The following UGGT2 variants were observed in gnomAD, a reference collection of about 807,000 sequenced individuals.
UGGT2 encodes UDP-glucose glycoprotein glucosyltransferase 2.
Under a neutral mutation model 192.1 loss-of-function variants are expected in UGGT2, and 180 were observed. That is an observed-to-expected ratio of 0.94 (90% CI 0.83 to 1.06). UGGT2 has a LOEUF of 1.06. Ranked by LOEUF, UGGT2 falls within the 50% of genes least tolerant of loss-of-function variation. UGGT2 has a pLI of 0.00. For synonymous variants in UGGT2, 580 were observed against 591.0 expected (o/e 0.98, Z 0.27); for missense variants, 1,849 against 1,795.7 (o/e 1.03, Z -0.54).
chr13:95,885,447 G>C (rs190674494), intron 26 of UGGT2, among the ~76,000 whole-genome samples: 62 of 152,254 alleles, frequency 4.1e-4, no homozygotes, highest in African/African-American at 1.4e-3. Context: ...TCCCAAAAAG[G>C]CATCTCCAAT....
intron 17 of UGGT2, 145 bp from the exon 18 acceptor site, chr13:95,927,481 T>C: frequency 1.2e-6 from 1 of 801,652 alleles, no homozygotes; most frequent in Non-Finnish European, 1.8e-6. Context: ...TTTTTTTTTT[T>C]TTTTTTTATT....
At chr13:96,000,265 G>A (rs764395466) in intron 5 of UGGT2, among the ~76,000 whole-genome samples, 1 of 152,180 alleles carries the variant, frequency 6.6e-6, no homozygotes, top group Non-Finnish European at 1.5e-5. Flanking sequence ...GAGGGAAGGA[G>A]AACTTTAGTA....
intron 22 of UGGT2, among the ~76,000 whole-genome samples, chr13:95,898,401 T>C (rs2048008373): frequency 6.6e-6 from 1 of 152,084 alleles, no homozygotes; most frequent in East Asian, 1.9e-4. Flanking sequence ...ATTCTTAGAA[T>C]AGCAGACATG....
intron 10 of UGGT2, among the ~76,000 whole-genome samples, chr13:95,980,339 G>C (rs995545039): frequency 2.0e-5 from 3 of 152,072 alleles, no homozygotes; most frequent in Non-Finnish European, 4.4e-5. Context: ...CATTCTAACT[G>C]AAGTAACTCA....
chr13:95,998,246 AC>A (rs1378640733), intron 6 of UGGT2, among the ~76,000 whole-genome samples: 1 of 152,210 alleles, frequency 6.6e-6, no homozygotes, highest in African/African-American at 2.4e-5. Flanking sequence ...TACATATGTG[AC>A]CATCTGACTT....
At chr13:96,007,516 T>C (rs1027231525) in intron 5 of UGGT2, among the ~76,000 whole-genome samples, 2 of 152,190 alleles carry the variant, frequency 1.3e-5, no homozygotes, top group African/African-American at 4.8e-5. Flanking sequence ...AAAATTACCC[T>C]GGTTTGCAAA....
At chr13:95,910,576 C>G (rs2048460230) in intron 20 of UGGT2, among the ~76,000 whole-genome samples, 1 of 152,116 alleles carries the variant, frequency 6.6e-6, no homozygotes, top group Non-Finnish European at 1.5e-5. Flanking sequence ...CAGGAGCACC[C>G]AGATTCATAA....
intron 4 of UGGT2, among the ~76,000 whole-genome samples, chr13:96,018,688 A>G (rs368764594): frequency 2.0e-5 from 3 of 152,010 alleles, no homozygotes; most frequent in South Asian, 2.1e-4. Context: ...GACAATGAGA[A>G]TATCACATAG....
intron 12 of UGGT2, among the ~76,000 whole-genome samples, chr13:95,968,007 G>C (rs1325320268): frequency 1.3e-5 from 2 of 151,880 alleles, no homozygotes; most frequent in Non-Finnish European, 2.9e-5. Flanking sequence ...TTTCTTTGAG[G>C]AGTTTCAGTT....
chr13:96,022,349 A>T (rs927135561), intron 4 of UGGT2, among the ~76,000 whole-genome samples: 8 of 152,006 alleles, frequency 5.3e-5, no homozygotes, highest in African/African-American at 1.9e-4. Flanking sequence ...TAGTATAAAA[A>T]CAATATAAAA....
chr13:96,050,061 G>A (rs948519882), intron 1 of UGGT2, among the ~76,000 whole-genome samples: 2 of 152,104 alleles, frequency 1.3e-5, no homozygotes, highest in Non-Finnish European at 2.9e-5. Flanking sequence ...GAGGCATCAC[G>A]CTACCTGACT....
chr13:95,860,768 A>C lies in UGGT2; in HGVS notation c.3740+20T>G. ...GTAAATATTTCTTTTTCAAAATATA[A>C]GGTTAAAAAATATACCTACCTTAAA... is the stretch of plus-strand genomic sequence containing the variant. On this transcript the variant is annotated intron_variant, in intron 32 of 38. Coordinates refer to ENST00000376747, the MANE Select transcript of UGGT2 (RefSeq NM_020121.4). The C allele has an allele frequency of 2.2e-6, 3 of 1,386,590 alleles. No individual in the cohort carries two copies. Among genetic ancestry groups the C allele is most frequent in the Non-Finnish European group, 9.6e-7 (1 of 1,038,786 alleles). 85.9% of individuals were successfully genotyped at this position (1,386,590 alleles called of 1,614,324 possible). A position where few individuals can be genotyped will look rare whatever the true frequency, so the allele number is the denominator to read the frequency against.
At chr13:95,852,852 TGA>T (rs1011869131) in intron 36 of UGGT2, among the ~76,000 whole-genome samples, 3 of 151,930 alleles carry the variant, frequency 2.0e-5, no homozygotes, top group East Asian at 1.9e-4. Flanking sequence ...GTCTTAAAGA[TGA>T]GAGAGAGAGA....
intron 17 of UGGT2, among the ~76,000 whole-genome samples, chr13:95,931,411 G>A (rs986944899): frequency 6.6e-6 from 1 of 151,848 alleles, no homozygotes; most frequent in African/African-American, 2.4e-5. Flanking sequence ...AGGGGGAGCT[G>A]CCCGCCACTC....
intron 38 of UGGT2, among the ~76,000 whole-genome samples, chr13:95,824,911 T>C (rs1195752070): frequency 6.6e-6 from 1 of 152,188 alleles, no homozygotes; most frequent in Non-Finnish European, 1.5e-5. Context: ...CTATTTCTTC[T>C]AATTGTTCTT....
chr13:95,836,971 C>T, intron 37 of UGGT2, 115 bp downstream of exon 37: 1 of 872,642 alleles, frequency 1.1e-6, no homozygotes, highest in South Asian at 1.6e-5. Context: ...ATAGACTGAA[C>T]AGCAGAAGAA....
intron 20 of UGGT2, among the ~76,000 whole-genome samples, chr13:95,911,357 A>C (rs780453965): frequency 3.5e-4 from 53 of 152,202 alleles, no homozygotes; most frequent in Non-Finnish European, 6.8e-4. Flanking sequence ...TAAAGAAGAA[A>C]AGAAAGAAGA....
At position 95,949,423 on chromosome 13, in the gene UGGT2, T is replaced by C; in HGVS notation, c.1367A>G (p.Tyr456Cys). 6.4e-7 allele frequency: 1 copy of C among 1,557,634 alleles called. No homozygotes were observed. Among genetic ancestry groups the C allele is most frequent in the South Asian group, 1.2e-5 (1 of 80,144 alleles). ...WINDLENDDL[Y>C]ITWPTSCQKL... ...CTGGCAACTTGTAGGCCATGTAATA[T>C]ACAAATCATCATTTTCTAAGTCATT... The change falls in exon 13 of 39, where the codon TAT becomes TGT. Residue 456 changes from tyrosine to cysteine, a missense_variant. Transcript: ENST00000376747.
chr13:95,961,130 CA>C (rs1390070364), intron 12 of UGGT2, among the ~76,000 whole-genome samples: 3 of 151,820 alleles, frequency 2.0e-5, no homozygotes, highest in Non-Finnish European at 2.9e-5. Flanking sequence ...AGAAAAGATT[CA>C]AATGTTACCA....
Sources: gnomAD v4.1 joint callset for allele counts (sites outside exome capture counted in the v4.1 genomes callset) on GRCh38, gnomAD v4.1.1 for gene constraint, MANE v1.5 for transcripts, NCBI Gene and HGNC (gene_info 2026-07-23, HGNC 2026-07-21) for gene names.